NFIA: variants seen among roughly 807,000 people sequenced by gnomAD.
NFIA encodes nuclear factor 1 A-type.
In NFIA, 8 loss-of-function variants were observed where a neutral mutation model predicts 62.8. That is an observed-to-expected ratio of 0.13 (90% CI 0.07 to 0.23). The LOEUF is 0.23. Ranked by LOEUF, NFIA falls within the 10% of genes least tolerant of loss-of-function variation. The probability of loss-of-function intolerance (pLI) is 1.00; values close to 1 mark genes in which losing one functional copy is unlikely to be tolerated. For synonymous variants in NFIA, 235 were observed against 238.1 expected (o/e 0.99, Z 0.12); for missense variants, 410 against 642.1 (o/e 0.64, Z 3.91).
chr1:61,432,203 T>C (rs1667123883), intron 10 of NFIA, among the ~76,000 whole-genome samples: 1 of 143,526 alleles, frequency 7.0e-6, no homozygotes, highest in African/African-American at 2.6e-5. Context: ...GATATGGTTC[T>C]TGTACACTTT....
chr1:61,435,206 C>T (rs540402942), intron 10 of NFIA, among the ~76,000 whole-genome samples: 8 of 152,248 alleles, frequency 5.3e-5, no homozygotes, highest in African/African-American at 1.9e-4. Flanking sequence ...GTAGGACAGA[C>T]CTGTTCTGAC....
intron 3 of NFIA, among the ~76,000 whole-genome samples, chr1:61,294,868 A>G (rs1026917851): frequency 1.3e-5 from 2 of 152,210 alleles, no homozygotes; most frequent in African/African-American, 4.8e-5. Context: ...GGACTTCTGT[A>G]TAGAGCATGT....
chr1:61,428,388 T>TTA (rs1323080473), intron 10 of NFIA, among the ~76,000 whole-genome samples: 1 of 151,432 alleles, frequency 6.6e-6, no homozygotes, highest in Non-Finnish European at 1.5e-5. Context: ...CTGAATTTTT[T>TTA]TTTTTTTTTT....
intron 6 of NFIA, 117 bp from the exon 7 acceptor site, chr1:61,383,120 T>G: frequency 7.7e-7 from 1 of 1,305,156 alleles, no homozygotes; most frequent in Non-Finnish European, 1.1e-6. Flanking sequence ...ATCTTTTTCA[T>G]TCACAGGTGG....
intron 2 of NFIA, 75 bp from the exon 3 acceptor site, chr1:61,277,445 G>T: frequency 2.1e-6 from 3 of 1,395,972 alleles, no homozygotes; most frequent in South Asian, 2.4e-5. Context: ...TGAACCTTTT[G>T]AGAAAGTCTG....
At chr1:61,351,812 A>G (rs1337306940) in intron 4 of NFIA, among the ~76,000 whole-genome samples, 3 of 152,214 alleles carry the variant, frequency 2.0e-5, no homozygotes, top group Non-Finnish European at 2.9e-5. Flanking sequence ...CTCGTCTCTG[A>G]TGGTGTAATG....
intron 3 of NFIA, among the ~76,000 whole-genome samples, chr1:61,295,018 G>A (rs1386354498): frequency 1.3e-5 from 2 of 152,212 alleles, no homozygotes; most frequent in Non-Finnish European, 1.5e-5. Context: ...CAGCAAGATG[G>A]TTTCGAGCAG....
At chr1:61,090,184 T>A (rs965779007) in intron 2 of NFIA, among the ~76,000 whole-genome samples, 1 of 152,158 alleles carries the variant, frequency 6.6e-6, no homozygotes, top group African/African-American at 2.4e-5. Flanking sequence ...TTAAAATTTT[T>A]AAAAAATGTG....
chr1:61,082,155 G>T, upstream of NFIA: 1 of 591,776 alleles, frequency 1.7e-6, no homozygotes, highest in South Asian at 1.7e-5. Flanking sequence ...AGTACAGACT[G>T]TAACTGCTCC....
At chr1:61,255,392 G>A (rs1048812991) in intron 2 of NFIA, among the ~76,000 whole-genome samples, 4 of 152,180 alleles carry the variant, frequency 2.6e-5, no homozygotes, top group Admixed American at 6.5e-5. Context: ...AAAACCATGA[G>A]AAATTATCAA....
At chr1:61,316,826 AG>A (rs967645842) in intron 3 of NFIA, among the ~76,000 whole-genome samples, 72 of 152,336 alleles carry the variant, frequency 4.7e-4, no homozygotes, top group African/African-American at 1.7e-3. Context: ...ATTGATTTAA[AG>A]CTATAAGGAA....
At chr1:61,258,594 T>TA (rs1315427535) in intron 2 of NFIA, among the ~76,000 whole-genome samples, 6 of 152,304 alleles carry the variant, frequency 3.9e-5, no homozygotes, top group African/African-American at 1.4e-4. Flanking sequence ...CTTCAGCAAT[T>TA]ATGAAACCAT....
chr1:61,309,884 G>A (rs539272577), intron 3 of NFIA, among the ~76,000 whole-genome samples: 86 of 152,284 alleles, frequency 5.6e-4, no homozygotes, highest in African/African-American at 1.5e-3. Flanking sequence ...GTGAAACGCC[G>A]TCTCCAGAAA....
intron 4 of NFIA, among the ~76,000 whole-genome samples, chr1:61,347,165 CTTTTTTT>C (rs869046737): frequency 1.4e-5 from 1 of 70,110 alleles, no homozygotes; most frequent in South Asian, 7.0e-4. Flanking sequence ...CTGGATCCCA[CTTTTTTT>C]TTTTTTTTTT....
chr1:61,439,002 C>G (rs1569880468), intron 10 of NFIA, among the ~76,000 whole-genome samples: 1 of 118,142 alleles, frequency 8.5e-6, no homozygotes, highest in South Asian at 2.3e-4. Flanking sequence ...CATGCAGACA[C>G]ACACACACAC....
intron 2 of NFIA, among the ~76,000 whole-genome samples, chr1:61,162,794 A>G (rs1177794157): frequency 6.6e-6 from 1 of 150,642 alleles, no homozygotes. Flanking sequence ...CCCCCACAAC[A>G]TAATCCATAA....
chr1:61,160,622 C>G (rs1649127454), intron 2 of NFIA, among the ~76,000 whole-genome samples: 1 of 152,196 alleles, frequency 6.6e-6, no homozygotes, highest in African/African-American at 2.4e-5. Context: ...AACCTCACCT[C>G]TCTGGAACTC....
chr1:61,095,931 A>G (rs1027186440), intron 2 of NFIA, among the ~76,000 whole-genome samples: 8 of 151,938 alleles, frequency 5.3e-5, no homozygotes, highest in African/African-American at 1.9e-4. Flanking sequence ...TTTCCCCTAT[A>G]CATTACATAT....
At chr1:61,086,031 T>A (rs1387396357) in intron 1 of NFIA, among the ~76,000 whole-genome samples, 1 of 152,182 alleles carries the variant, frequency 6.6e-6, no homozygotes, top group Non-Finnish European at 1.5e-5. Flanking sequence ...TTAATCAAAC[T>A]TTTAAATAAG....
Sources: gnomAD v4.1 joint callset for allele counts (sites outside exome capture counted in the v4.1 genomes callset) on GRCh38, gnomAD v4.1.1 for gene constraint, MANE v1.5 for transcripts, NCBI Gene and HGNC (gene_info 2026-07-23, HGNC 2026-07-21) for gene names.